CTNNA3: variants seen among roughly 807,000 people sequenced by gnomAD.
The protein encoded by CTNNA3 is catenin alpha-3.
In CTNNA3, 76 loss-of-function variants were observed where a neutral mutation model predicts 95.7. The observed-to-expected ratio is 0.79, with a 90% CI of 0.66 to 0.96. The LOEUF is 0.96. CTNNA3 is among the 40% of genes least tolerant of loss of function. The pLI, the probability that CTNNA3 is intolerant of heterozygous loss-of-function variation, is 0.00. For synonymous variants in CTNNA3, 431 were observed against 374.4 expected (o/e 1.15, Z -1.74); for missense variants, 1,191 against 1,089.8 (o/e 1.09, Z -1.31).
intron 15 of CTNNA3, among the ~76,000 whole-genome samples, chr10:66,012,169 A>C (rs776059213): frequency 6.6e-6 from 1 of 152,226 alleles, no homozygotes; most frequent in Non-Finnish European, 1.5e-5. Flanking sequence ...ATAAGGCTTG[A>C]AATCAAATAG....
intron 1 of CTNNA3, among the ~76,000 whole-genome samples, chr10:67,712,112 T>G (rs1168743001): frequency 6.6e-6 from 1 of 152,100 alleles, no homozygotes; most frequent in Non-Finnish European, 1.5e-5. Flanking sequence ...TTATTCACAA[T>G]AGCAAAGACT....
intron 7 of CTNNA3, among the ~76,000 whole-genome samples, chr10:66,895,469 A>G (rs1016843088): frequency 2.6e-5 from 4 of 152,172 alleles, no homozygotes; most frequent in African/African-American, 9.7e-5. Context: ...AATATTAAAA[A>G]TTTCTTAATA....
intron 12 of CTNNA3, among the ~76,000 whole-genome samples, chr10:66,371,626 T>C (rs1487730622): frequency 6.6e-6 from 1 of 152,146 alleles, no homozygotes; most frequent in East Asian, 1.9e-4. Flanking sequence ...TTCCTTTCTC[T>C]GGGTCCTTTT....
intron 12 of CTNNA3, among the ~76,000 whole-genome samples, chr10:66,314,409 TATC>T (rs780850764): frequency 6.6e-6 from 1 of 152,322 alleles, no homozygotes; most frequent in South Asian, 2.1e-4. Context: ...AATTTTAAAA[TATC>T]ATGTGTGGAA....
chr10:67,556,397 T>A (rs1385812979), intron 3 of CTNNA3, among the ~76,000 whole-genome samples: 1 of 152,112 alleles, frequency 6.6e-6, no homozygotes. Flanking sequence ...AATTTTTTTG[T>A]TTGGTAGGCT....
At chr10:66,428,532 A>G (rs1198259088) in intron 11 of CTNNA3, among the ~76,000 whole-genome samples, 1 of 152,202 alleles carries the variant, frequency 6.6e-6, no homozygotes, top group South Asian at 2.1e-4. Context: ...ATGTAAAAGA[A>G]CAGAAATTAT....
At chr10:67,649,928 C>T (rs1839828902) in intron 1 of CTNNA3, among the ~76,000 whole-genome samples, 2 of 152,204 alleles carry the variant, frequency 1.3e-5, no homozygotes, top group Non-Finnish European at 2.9e-5. Flanking sequence ...CAACCTCCGC[C>T]TCCCAAGTTC....
At chr10:66,245,361 G>C (rs557003589) in intron 13 of CTNNA3, among the ~76,000 whole-genome samples, 361 of 152,284 alleles carry the variant, frequency 2.4e-3, no homozygotes, top group African/African-American at 8.3e-3. Context: ...CCAGGTCTGG[G>C]ATCCCTGAGG....
chr10:66,608,243 A>T (rs1844199518), intron 10 of CTNNA3, among the ~76,000 whole-genome samples: 1 of 152,108 alleles, frequency 6.6e-6, no homozygotes, highest in Non-Finnish European at 1.5e-5. Flanking sequence ...GTAATCGGGG[A>T]GGTGAAAGGT....
chr10:66,034,217 A>G (rs1466716180), intron 15 of CTNNA3, among the ~76,000 whole-genome samples: 1 of 151,756 alleles, frequency 6.6e-6, no homozygotes, highest in Non-Finnish European at 1.5e-5. Context: ...ATTATATTAT[A>G]TAACAACAAT....
intron 17 of CTNNA3, among the ~76,000 whole-genome samples, chr10:65,928,077 G>T (rs2077194797): frequency 6.6e-6 from 1 of 152,076 alleles, no homozygotes; most frequent in South Asian, 2.1e-4. Context: ...GCAAAAAATG[G>T]CTACTACAAT....
chr10:67,641,982 A>G (rs1258056292), intron 2 of CTNNA3, among the ~76,000 whole-genome samples: 1 of 152,210 alleles, frequency 6.6e-6, no homozygotes, highest in African/African-American at 2.4e-5. Flanking sequence ...CATTGTGCAC[A>G]TGTACTCTAA....
chr10:67,214,794 C>T (rs558416774), intron 6 of CTNNA3, among the ~76,000 whole-genome samples: 1 of 151,956 alleles, frequency 6.6e-6, no homozygotes, highest in Admixed American at 6.6e-5. Flanking sequence ...AAGAACTCGG[C>T]TATCATTCAC....
rs572042027 is a variant in CTNNA3, at chr10:67,545,649, T to G, written c.293-5980A>C. Reference sequence around the variant, plus strand: ...AGGATTATAAAAGATCAAGAAAGATTCTGCAGTTAGGTAGCTTCGCAAGTG... The same window carrying G: ...AGGATTATAAAAGATCAAGAAAGATGCTGCAGTTAGGTAGCTTCGCAAGTG... On this transcript the variant is annotated intron_variant, in intron 3 of 17. Coordinates refer to ENST00000433211, the MANE Select transcript of CTNNA3 (RefSeq NM_013266.4). 1.4e-4 allele frequency among the ~76,000 whole-genome samples: 21 copies of G among 152,234 alleles called. 1 individual carries two copies. Among genetic ancestry groups the G allele is most frequent in the African/African-American group, 4.3e-4 (18 of 41,548 alleles).
intron 14 of CTNNA3, among the ~76,000 whole-genome samples, chr10:66,086,203 G>A (rs1486443784): frequency 2.0e-5 from 3 of 152,054 alleles, no homozygotes; most frequent in Non-Finnish European, 4.4e-5. Context: ...GCTGACACAC[G>A]AGCCTATCTT....
intron 17 of CTNNA3, among the ~76,000 whole-genome samples, chr10:65,954,647 A>C (rs893065549): frequency 6.6e-6 from 1 of 152,048 alleles, no homozygotes; most frequent in South Asian, 2.1e-4. Context: ...ATAGGGAATC[A>C]TTTCCCCATT....
At chr10:67,355,042 G>A (rs1251615048) in intron 5 of CTNNA3, among the ~76,000 whole-genome samples, 1 of 151,904 alleles carries the variant, frequency 6.6e-6, no homozygotes, top group Non-Finnish European at 1.5e-5. Flanking sequence ...TTGTCCAAAT[G>A]ATAGTTTAAG....
intron 5 of CTNNA3, among the ~76,000 whole-genome samples, chr10:67,479,399 A>G (rs1412869286): frequency 2.0e-5 from 3 of 152,152 alleles, no homozygotes; most frequent in Non-Finnish European, 4.4e-5. Context: ...CATACCAACC[A>G]TACTCTCAGG....
rs751291562 is a variant in CTNNA3, at chr10:65,920,546, C to T, written c.2472G>A (p.Met824Ile). The stretch of plus-strand genomic sequence containing the variant: ...TGATCTTGGTTGAGGCAATGTAAGA[C>T]ATTTTCACTGTTTGCACTACAGCAT... Reference protein sequence around the residue: ...LMNAVVQTVKMSYIASTKIIR... With the variant: ...LMNAVVQTVKISYIASTKIIR... The change falls in exon 18 of 18, where the codon ATG becomes ATA. Residue 824 changes from methionine to isoleucine, a missense_variant. Met to Ile is a conservative substitution (Grantham distance 10). Coordinates refer to ENST00000433211, the MANE Select transcript of CTNNA3 (RefSeq NM_013266.4). 2.2e-5 allele frequency: 36 copies of T among 1,614,166 alleles called. No individual in the cohort carries two copies. Among genetic ancestry groups the T allele is most frequent in the Non-Finnish European group, 2.7e-5 (32 of 1,180,028 alleles).
Sources: gnomAD v4.1 joint callset for allele counts (sites outside exome capture counted in the v4.1 genomes callset) on GRCh38, gnomAD v4.1.1 for gene constraint, MANE v1.5 for transcripts, NCBI Gene and HGNC (gene_info 2026-07-23, HGNC 2026-07-21) for gene names.